The following ETV6 variants were observed in gnomAD, a reference collection of about 807,000 sequenced individuals.
ETV6 encodes transcription factor ETV6.
In ETV6, 16 loss-of-function variants were observed where a neutral mutation model predicts 51.1. The observed-to-expected ratio is 0.31, with a 90% CI of 0.21 to 0.48. The LOEUF is 0.48. ETV6 is among the 20% of genes least tolerant of loss of function. ETV6 has a pLI of 0.99. For synonymous variants in ETV6, 240 were observed against 224.1 expected, an observed-to-expected ratio of 1.07 and a Z score of -0.64; for missense variants, 458 against 594.8, an observed-to-expected ratio of 0.77 and a Z score of 2.39.
intron 1 of ETV6, among the ~76,000 whole-genome samples, chr12:11,713,817 TC>T (rs1865218803): frequency 6.6e-6 from 1 of 152,158 alleles, no homozygotes; most frequent in African/African-American, 2.4e-5. Flanking sequence ...TTTAAAAAAA[TC>T]CTCTCCTGTG....
chr12:11,859,305 C>G (rs1350892410), intron 4 of ETV6, among the ~76,000 whole-genome samples: 2 of 151,582 alleles, frequency 1.3e-5, no homozygotes, highest in African/African-American at 4.9e-5. Context: ...CCATGCCCGG[C>G]TAATTTTTTG....
At chr12:11,880,465 C>T (rs912050953) in intron 5 of ETV6, among the ~76,000 whole-genome samples, 2 of 152,036 alleles carry the variant, frequency 1.3e-5, no homozygotes, top group African/African-American at 2.4e-5. Flanking sequence ...TTGATGCCTC[C>T]GAAAAACCAA....
chr12:11,674,669 T>G (rs1416145439), intron 1 of ETV6, among the ~76,000 whole-genome samples: 2 of 135,792 alleles, frequency 1.5e-5, no homozygotes, highest in East Asian at 4.3e-4. Context: ...GTGTTTGGTG[T>G]TTTCCCCATG....
chr12:11,773,351 G>C (rs979136231), intron 2 of ETV6, among the ~76,000 whole-genome samples: 23 of 151,596 alleles, frequency 1.5e-4, no homozygotes, highest in African/African-American at 4.6e-4. Context: ...AAATCTTTCT[G>C]CTCAAGTCTC....
Position 11,683,608 on chromosome 12 carries a change from G to A in ETV6, c.33+33448G>A, listed in dbSNP as rs537356289. ...ATTTTCTCATTTAACATAGCTTCAT[G>A]GTACTAGGAATGGAAGGAGGAAAGG... On this transcript the variant is annotated intron_variant, in intron 1 of 7. Transcript: ENST00000396373. 5.3e-5 allele frequency among the ~76,000 whole-genome samples: 8 copies of A among 152,056 alleles called. No homozygotes were observed. The South Asian group carries it at 1.7e-3, about 32-fold the overall frequency.
At chr12:11,708,541 CT>C (rs367942738) in intron 1 of ETV6, among the ~76,000 whole-genome samples, 40 of 152,154 alleles carry the variant, frequency 2.6e-4, no homozygotes, top group African/African-American at 9.2e-4. Flanking sequence ...AGACTCCCCC[CT>C]GTCTTGTGTA....
intron 1 of ETV6, among the ~76,000 whole-genome samples, chr12:11,717,204 A>G (rs999822963): frequency 9.9e-5 from 15 of 152,178 alleles, no homozygotes; most frequent in Non-Finnish European, 1.6e-4. Flanking sequence ...TTCCTTTTGC[A>G]AAGAGCAGGC....
intron 1 of ETV6, among the ~76,000 whole-genome samples, chr12:11,676,252 A>G (rs1178807145): frequency 6.6e-6 from 1 of 152,186 alleles, no homozygotes; most frequent in Non-Finnish European, 1.5e-5. Context: ...TTGGAAATGT[A>G]GGAGTTATAG....
Position 11,652,570 on chromosome 12 carries a change from G to C in ETV6, c.33+2410G>C, listed in dbSNP as rs147297723. Among the ~76,000 whole-genome samples, 24 of 152,288 alleles carry C rather than the reference G, an allele frequency of 1.6e-4. No individual in the cohort carries two copies. In the East Asian group the frequency reaches 4.4e-3, roughly 28 times the overall value. ...ATACCGAACTCCTGTGACACAAAAG[G>C]CTCTCACTGTGGAGAGGTTTTTCCC... is the stretch of plus-strand genomic sequence containing the variant. On this transcript the variant is annotated intron_variant, in intron 1 of 7. Coordinates refer to ENST00000396373, the MANE Select transcript of ETV6 (RefSeq NM_001987.5).
At position 11,731,085 on chromosome 12, in the gene ETV6, G is replaced by A. The variant is rs149500133; in HGVS notation, c.34-21365G>A. On this transcript the variant is annotated intron_variant, in intron 1 of 7. Transcript: ENST00000396373. ...CTGCTCTTTGTGAATGGGAAGTGCT[G>A]CTGGGGAGAAATGATTTTAAGTGTG... 5.2e-3 allele frequency among the ~76,000 whole-genome samples: 797 copies of A among 152,302 alleles called. 10 individuals are homozygous for A. Among genetic ancestry groups the A allele is most frequent in the African/African-American group, 0.019 (770 of 41,556 alleles).
intron 4 of ETV6, among the ~76,000 whole-genome samples, chr12:11,862,117 A>G (rs1946726288): frequency 6.6e-6 from 1 of 152,194 alleles, no homozygotes; most frequent in Non-Finnish European, 1.5e-5. Flanking sequence ...TCAGAGTACT[A>G]CAGGTTACCC....
chr12:11,758,936 C>G (rs1304727737), intron 2 of ETV6, among the ~76,000 whole-genome samples: 2 of 152,186 alleles, frequency 1.3e-5, no homozygotes, highest in Non-Finnish European at 2.9e-5. Context: ...AAGCTTTCTA[C>G]TTTCCCCGCG....
At chr12:11,726,252 G>C (rs757206500) in intron 1 of ETV6, among the ~76,000 whole-genome samples, 12 of 152,206 alleles carry the variant, frequency 7.9e-5, no homozygotes, top group Non-Finnish European at 1.6e-4. Flanking sequence ...AGTGTGAGGA[G>C]CTGAAGGAAA....
intron 1 of ETV6, among the ~76,000 whole-genome samples, chr12:11,681,936 A>G (rs1864538445): frequency 6.6e-6 from 1 of 152,166 alleles, no homozygotes; most frequent in South Asian, 2.1e-4. Context: ...TCCGTGGTAT[A>G]TATGTGCCAT....
intron 1 of ETV6, among the ~76,000 whole-genome samples, chr12:11,690,255 G>A (rs1475192462): frequency 6.6e-6 from 1 of 151,752 alleles, no homozygotes; most frequent in Non-Finnish European, 1.5e-5. Context: ...TGCAGTGTGA[G>A]CTGTCCTTTC....
At chr12:11,883,834 C>A (rs1301234534) in intron 5 of ETV6, among the ~76,000 whole-genome samples, 4 of 152,134 alleles carry the variant, frequency 2.6e-5, no homozygotes, top group African/African-American at 4.8e-5. Context: ...ATCTGTATCT[C>A]TTTTTGAAAC....
intron 5 of ETV6, among the ~76,000 whole-genome samples, chr12:11,873,218 T>A (rs1476304476): frequency 6.6e-6 from 1 of 152,200 alleles, no homozygotes; most frequent in East Asian, 1.9e-4. Context: ...ATCCCTAAAG[T>A]TCCTTCCAGC....
At chr12:11,678,945 C>A (rs1864473643) in intron 1 of ETV6, among the ~76,000 whole-genome samples, 1 of 152,186 alleles carries the variant, frequency 6.6e-6, no homozygotes, top group African/African-American at 2.4e-5. Flanking sequence ...AGATAGTGCC[C>A]ACCCACATTG....
intron 1 of ETV6, among the ~76,000 whole-genome samples, 188 bp downstream of exon 1, chr12:11,650,348 C>CA (rs1473927119): frequency 1.4e-5 from 2 of 147,088 alleles, no homozygotes; most frequent in South Asian, 4.3e-4. Flanking sequence ...TGCTACTCCC[C>CA]CCCACCGCCG....
Sources: allele counts gnomAD v4.1 joint callset (sites outside exome capture counted in the v4.1 genomes callset), GRCh38; gene constraint gnomAD v4.1.1; transcripts MANE v1.5; gene names NCBI Gene and HGNC (gene_info 2026-07-23, HGNC 2026-07-21).